Variants in PRKN observed in about 807,000 individuals in gnomAD.
PRKN encodes parkin RBR E3 ubiquitin protein ligase.
Under a neutral mutation model 59.5 loss-of-function variants are expected in PRKN, and 56 were observed. That is an observed-to-expected ratio of 0.94 (90% CI 0.76 to 1.18). The LOEUF (loss-of-function observed/expected upper bound fraction) is 1.18. Among genes scored for constraint, PRKN ranks in the 50% most tolerant of loss-of-function variants. The probability of loss-of-function intolerance (pLI) is 0.00; values close to 1 mark genes in which losing one functional copy is unlikely to be tolerated. For missense variants in PRKN, 657 were observed against 596.4 expected, an observed-to-expected ratio of 1.10 and a Z score of -1.06; for synonymous variants, 250 against 222.1, an observed-to-expected ratio of 1.13 and a Z score of -1.12.
chr6:161,462,764 T>C lies in PRKN; in HGVS notation c.1084-75887A>G, dbSNP rs1476571092. Reference sequence around the variant, plus strand: ...ATCACCCTGTTTCTCTGGAGAACGGTAGCAATAAAAACACACAGAATACAC... The same window carrying C: ...ATCACCCTGTTTCTCTGGAGAACGGCAGCAATAAAAACACACAGAATACAC... On this transcript the variant is annotated intron_variant, in intron 9 of 11. Transcript: ENST00000366898. The surrounding 1 kb of genome is among the most constrained non-coding windows in gnomAD (Gnocchi z 4.5). Among the ~76,000 whole-genome samples, 1 of 152,182 alleles carries C rather than the reference T, an allele frequency of 6.6e-6. No homozygotes were observed. The highest frequency in any genetic ancestry group is 1.9e-4 in the East Asian group (1 of 5,196).
intron 9 of PRKN, among the ~76,000 whole-genome samples, chr6:161,478,569 G>C (rs1421110990): frequency 1.3e-5 from 2 of 152,216 alleles, no homozygotes; most frequent in African/African-American, 4.8e-5. Flanking sequence ...GGCCAGCCAG[G>C]TGCAGTGGCT....
At chr6:161,942,604 A>C (rs552657319) in intron 6 of PRKN, among the ~76,000 whole-genome samples, 1 of 152,314 alleles carries the variant, frequency 6.6e-6, no homozygotes, top group South Asian at 2.1e-4. Context: ...TTTTGTTCCA[A>C]TTCAAATACA....
chr6:161,759,226 T>C (rs985823413), intron 7 of PRKN, among the ~76,000 whole-genome samples: 1 of 151,650 alleles, frequency 6.6e-6, no homozygotes, highest in Non-Finnish European at 1.5e-5. Flanking sequence ...TTCAAAGACA[T>C]CAAAATTCCT....
At chr6:162,621,987 T>G (rs1049258762) in intron 1 of PRKN, among the ~76,000 whole-genome samples, 2 of 151,996 alleles carry the variant, frequency 1.3e-5, no homozygotes, top group African/African-American at 4.8e-5. Context: ...GCTAATTGTA[T>G]TTTTTAGTAG....
intron 2 of PRKN, among the ~76,000 whole-genome samples, chr6:162,306,643 T>C (rs1256946219): frequency 6.6e-6 from 1 of 152,174 alleles, no homozygotes; most frequent in African/African-American, 2.4e-5. Flanking sequence ...TTTGAACAAA[T>C]TAATTTACTG....
intron 7 of PRKN, among the ~76,000 whole-genome samples, chr6:161,680,775 A>G (rs6931549): frequency 0.097 from 2,969 of 30,652 alleles, 332 homozygotes; most frequent in South Asian, 0.28. Context: ...ATATATATAT[A>G]TTTTTTTTTT....
intron 7 of PRKN, among the ~76,000 whole-genome samples, chr6:161,573,463 G>T (rs181151685): frequency 6.8e-4 from 103 of 151,752 alleles, no homozygotes; most frequent in African/African-American, 2.3e-3. Context: ...GTTCACGCCT[G>T]TAATCCCAGC....
At chr6:161,904,438 C>A (rs1778061821) in intron 6 of PRKN, among the ~76,000 whole-genome samples, 1 of 151,294 alleles carries the variant, frequency 6.6e-6, no homozygotes, top group South Asian at 2.1e-4. Context: ...GCCTCAGCCT[C>A]CCGAGTAGCT....
intron 7 of PRKN, among the ~76,000 whole-genome samples, chr6:161,687,572 T>TCAGAAAAATTGAGTC (rs539885757): frequency 0.02 from 3,033 of 151,308 alleles, 128 homozygotes; most frequent in African/African-American, 0.069. Flanking sequence ...TTTTTCTGCC[T>TCAGAAAAATTGAGTC]CAGCTTCCTG....
chr6:162,416,668 T>C (rs1162845872), intron 2 of PRKN, among the ~76,000 whole-genome samples: 1 of 152,202 alleles, frequency 6.6e-6, no homozygotes, highest in Non-Finnish European at 1.5e-5. Flanking sequence ...AAAAAGTATA[T>C]TTACTATATT....
chr6:161,617,606 T>C (rs7750988), intron 7 of PRKN, among the ~76,000 whole-genome samples: 32,400 of 152,040 alleles, frequency 0.21, 3,882 homozygotes, highest in East Asian at 0.53. Context: ...TACCACAGAG[T>C]TTTCAGGGAG....
chr6:161,959,127 G>A (rs759284936), intron 6 of PRKN, among the ~76,000 whole-genome samples: 3 of 152,010 alleles, frequency 2.0e-5, no homozygotes, highest in East Asian at 3.9e-4. Flanking sequence ...ACAACTTTTC[G>A]CAGGATTCAC....
chr6:162,368,588 CTG>C (rs1390995322), intron 2 of PRKN, among the ~76,000 whole-genome samples: 3 of 152,156 alleles, frequency 2.0e-5, no homozygotes, highest in Non-Finnish European at 4.4e-5. Context: ...AGCTCACACT[CTG>C]TCATCAGAGC....
chr6:162,387,215 C>T (rs937117259), intron 2 of PRKN, among the ~76,000 whole-genome samples: 14 of 118,594 alleles, frequency 1.2e-4, no homozygotes, highest in East Asian at 4.8e-4. Context: ...CCAGTAATTA[C>T]ACACTAAGAA....
chr6:162,132,962 C>T (rs1781427990), intron 4 of PRKN, among the ~76,000 whole-genome samples: 1 of 152,154 alleles, frequency 6.6e-6, no homozygotes, highest in African/African-American at 2.4e-5. Context: ...AGTCTAGAAG[C>T]TCATTTGGCC....
intron 2 of PRKN, among the ~76,000 whole-genome samples, chr6:162,356,665 C>G (rs1784873408): frequency 6.9e-6 from 1 of 143,920 alleles, no homozygotes; most frequent in African/African-American, 2.6e-5. Flanking sequence ...GCCTACACAA[C>G]ACTGAAGGAG....
chr6:162,122,728 A>ATCTG (rs1312472503), intron 4 of PRKN, among the ~76,000 whole-genome samples: 1 of 150,994 alleles, frequency 6.6e-6, no homozygotes, highest in Non-Finnish European at 1.5e-5. Context: ...CTATCTATCT[A>ATCTG]TCTATCTATC....
intron 10 of PRKN, among the ~76,000 whole-genome samples, chr6:161,370,312 C>T (rs1178481756): frequency 4.0e-5 from 6 of 150,920 alleles, no homozygotes; most frequent in African/African-American, 7.3e-5. Flanking sequence ...AGGCTGGGCA[C>T]GGTGGCTCAC....
chr6:161,684,359 C>T (rs371164844), intron 7 of PRKN, among the ~76,000 whole-genome samples: 1 of 151,958 alleles, frequency 6.6e-6, no homozygotes, highest in Admixed American at 6.6e-5. Context: ...TGGGATTACA[C>T]GTGTGAGTTA....
Sources: allele counts gnomAD v4.1 joint callset (sites outside exome capture counted in the v4.1 genomes callset), GRCh38; gene constraint gnomAD v4.1.1; non-coding constraint Gnocchi (gnomAD v3.1); transcripts MANE v1.5; gene names NCBI Gene and HGNC (gene_info 2026-07-23, HGNC 2026-07-21).